Variants in NUAK2 observed in about 807,000 individuals in gnomAD.
NUAK2 encodes the protein NUAK family kinase 2, also known as NUAK family SNF1-like kinase 2.
In NUAK2, 20 loss-of-function variants were observed where a neutral mutation model predicts 29.8. That is an observed-to-expected ratio of 0.67 (90% CI 0.47 to 0.98). The LOEUF (loss-of-function observed/expected upper bound fraction) is 0.98. NUAK2 is among the 50% of genes least tolerant of loss of function. NUAK2 has a pLI of 0.00. For missense variants in NUAK2, 719 were observed against 834.5 expected, an observed-to-expected ratio of 0.86 and a Z score of 1.71; for synonymous variants, 331 against 342.6, an observed-to-expected ratio of 0.97 and a Z score of 0.37.
intron 6 of NUAK2, among the ~76,000 whole-genome samples, 195 bp downstream of exon 6, chr1:205,305,004 T>C (rs1662158998): frequency 6.6e-6 from 1 of 152,342 alleles, no homozygotes; most frequent in African/African-American, 2.4e-5. Flanking sequence ...AACATGCCCC[T>C]GTGGGAAAGA....
chr1:205,319,924 T>TACACACATACACACAC (rs1553381479), intron 1 of NUAK2, among the ~76,000 whole-genome samples: 10 of 78,466 alleles, frequency 1.3e-4, no homozygotes, highest in Non-Finnish European at 1.9e-4. Flanking sequence ...GGGCAAACCA[T>TACACACATACACACAC]ACACACACAC....
chr1:205,311,673 C>T lies in NUAK2; in HGVS notation c.352+32G>A, dbSNP rs746855826. ...AACACACACATGCACACACATAGAC[C>T]CCCAAGTTCCAGCTTTAAGTGCCCA... On this transcript the variant is annotated intron_variant, in intron 2 of 6. Coordinates refer to ENST00000367157, the MANE Select transcript of NUAK2 (RefSeq NM_030952.3). 4.3e-6 allele frequency: 7 copies of T among 1,613,226 alleles called. No homozygotes were observed. In the East Asian group the frequency reaches 1.1e-4, roughly 26 times the overall value.
In NUAK2 at chr1:205,304,036, G is replaced by A. The variant is rs1335809900; in HGVS notation, c.1301C>T (p.Ala434Val). The stretch of plus-strand genomic sequence containing the variant: ...CAGGGGGGCAGCCTGCCCTGGGCTC[G>A]CAGGGATTGGGCTGAGCTCCGGAGG... ...EDPPELSPIP[A>V]SPGQAAPLLP... is the part of the protein sequence containing the mutation. The change falls in exon 7 of 7, where the codon GCG becomes GTG. Residue 434 changes from alanine (A) to valine (V), a missense_variant. By Grantham distance (64) the Ala-to-Val change is moderately conservative. Transcript: ENST00000367157. The surrounding 1 kb of genome is among the most constrained non-coding windows in gnomAD (Gnocchi z 6.5). 1.9e-6 allele frequency: 3 copies of A among 1,614,020 alleles called. No individual in the cohort carries two copies. Among genetic ancestry groups the A allele is most frequent in the Middle Eastern group, 1.6e-4 (1 of 6,062 alleles).
chr1:205,307,212 G>A (rs1013901715), intron 4 of NUAK2, among the ~76,000 whole-genome samples: 4 of 152,204 alleles, frequency 2.6e-5, no homozygotes, highest in Non-Finnish European at 5.9e-5. Flanking sequence ...AGGGTGGGGA[G>A]GGGCTGTTTA....
At chr1:205,311,586 A>C in intron 2 of NUAK2, 119 bp downstream of exon 2, 1 of 1,309,334 alleles carries the variant, frequency 7.6e-7, no homozygotes. Flanking sequence ...GCTCTTCTCT[A>C]GAGCCTATAT....
intron 1 of NUAK2, among the ~76,000 whole-genome samples, chr1:205,313,067 G>A (rs1034486392): frequency 6.6e-6 from 1 of 152,198 alleles, no homozygotes; most frequent in African/African-American, 2.4e-5. Context: ...GGGACTGGGG[G>A]AGGGGAAATG....
At chr1:205,314,059 A>G (rs562143984) in intron 1 of NUAK2, among the ~76,000 whole-genome samples, 1 of 152,320 alleles carries the variant, frequency 6.6e-6, no homozygotes, top group African/African-American at 2.4e-5. Flanking sequence ...GAGGCAGACA[A>G]TGGTTTCTGG....
chr1:205,321,080 G>A (rs777357022), intron 1 of NUAK2, among the ~76,000 whole-genome samples: 2 of 152,126 alleles, frequency 1.3e-5, no homozygotes, highest in Non-Finnish European at 2.9e-5. Context: ...CTCAACTTAA[G>A]TCCCATCCAT....
At chr1:205,305,572 CAG>C in intron 5 of NUAK2, 1 of 929,932 alleles carries the variant, frequency 1.1e-6, no homozygotes, top group Non-Finnish European at 1.3e-6. Context: ...GTGGTTGTGA[CAG>C]ATATCATCTC....
intron 1 of NUAK2, among the ~76,000 whole-genome samples, chr1:205,319,858 C>T (rs1340244448): frequency 6.6e-6 from 1 of 151,896 alleles, no homozygotes; most frequent in African/African-American, 2.4e-5. Context: ...TTCAAACCAG[C>T]TACTGGCTGC....
In NUAK2 at chr1:205,321,732, G is replaced by C. The variant is rs138506614; in HGVS notation, c.-104C>G. On this transcript the variant is annotated 5_prime_UTR_variant, in exon 1 of 7. Transcript: ENST00000367157. ...CGCACCAGGACGGGGAGCCACAGCA[G>C]TACCAGAGCGCGCAGTAAAGCACAG... 10,334 of 893,800 alleles carry C rather than the reference G, an allele frequency of 0.012. 76 individuals carry two copies. Among genetic ancestry groups the C allele is most frequent in the Non-Finnish European group, 0.014 (8,309 of 585,658 alleles). The allele number at this position is 893,800 out of a possible 1,614,324, so 55.4% of individuals were successfully genotyped here.
rs149020592 is a variant in NUAK2, at chr1:205,304,164, C to T, written c.1173G>A (p.Thr391=). Residue 391 remains threonine (T), a synonymous_variant, in exon 7 of 7, where the codon ACG becomes ACA. Coordinates refer to ENST00000367157, the MANE Select transcript of NUAK2 (RefSeq NM_030952.3). The surrounding 1 kb of genome is among the most constrained non-coding windows in gnomAD (Gnocchi z 6.5). ...NDMAQSLHSD[T]ADDTAHRPGK... Reference sequence around the variant, plus strand: ...CAGGGCGATGGGCAGTGTCATCAGCCGTGTCACTGTGGAGAGACTGGGCCA... The same window carrying T: ...CAGGGCGATGGGCAGTGTCATCAGCTGTGTCACTGTGGAGAGACTGGGCCA... The T allele has an allele frequency of 1.1e-4, 170 of 1,614,162 alleles. No individual in the cohort carries two copies. The highest frequency in any genetic ancestry group is 9.5e-4 in the Admixed American group (57 of 60,030).
intron 1 of NUAK2, 107 bp from the exon 2 acceptor site, chr1:205,311,932 A>C (rs1574893301): frequency 7.0e-5 from 99 of 1,422,080 alleles, no homozygotes; most frequent in East Asian, 2.4e-4. Flanking sequence ...CACAGAGTAC[A>C]CCCATAGAAG....
Position 205,303,941 on chromosome 1 carries a change from T to A in NUAK2, c.1396A>T (p.Ser466Cys), listed in dbSNP as rs373278563. The A allele has an allele frequency of 6.2e-6, 10 of 1,613,958 alleles. No homozygotes were observed. Among genetic ancestry groups the A allele is most frequent in the Admixed American group, 1.7e-5 (1 of 60,022 alleles). The change falls in exon 7 of 7, where the codon AGT (serine) becomes TGT (cysteine). Residue 466 changes from serine (S) to cysteine (C), a missense_variant. Around this residue, in one of 3 missense-constraint regions of NUAK2, gnomAD observed 430 missense variants for 465.7 expected, o/e 0.92. Coordinates refer to ENST00000367157, the MANE Select transcript of NUAK2 (RefSeq NM_030952.3). The part of the protein sequence containing the change: ...ESGYYSSPEP[S>C]ESGELLDAGD... ...GCGTCCAAGAGCTCCCCAGATTCAC[T>A]GGGCTCGGGAGAGGAGTAGTAGCCA...
Position 205,308,216 on chromosome 1 carries a change from G to T in NUAK2, c.519C>A (p.His173Gln). ...VHYCHQNRVVHRDLKLENILL... is the reference protein window; with the variant it reads ...VHYCHQNRVVQRDLKLENILL... Reference sequence around the variant, plus strand: ...GGATGTTCTCCAGCTTGAGATCTCGGTGGACAACTCTGTTCTGAAAGAAGG... The same window carrying T: ...GGATGTTCTCCAGCTTGAGATCTCGTTGGACAACTCTGTTCTGAAAGAAGG... The change falls in exon 4 of 7, where the codon CAC (histidine) becomes CAA (glutamine). Residue 173 changes from histidine to glutamine, a missense_variant. Around this residue, in one of 3 missense-constraint regions of NUAK2, gnomAD observed 283 missense variants for 345.6 expected, o/e 0.82. Transcript: ENST00000367157. The surrounding 1 kb of genome is among the most constrained non-coding windows in gnomAD (Gnocchi z 4.1). 1 of 1,606,622 alleles carries T rather than the reference G, an allele frequency of 6.2e-7. No homozygotes were observed. Among genetic ancestry groups the T allele is most frequent in the Non-Finnish European group, 8.5e-7 (1 of 1,176,716 alleles).
At position 205,307,764 on chromosome 1, in the gene NUAK2, T is replaced by C. The variant is rs57148104; in HGVS notation, c.570+401A>G. Among the ~76,000 whole-genome samples, 1,327 of 152,214 alleles carry C rather than the reference T, an allele frequency of 8.7e-3. 21 individuals carry two copies. Among genetic ancestry groups the C allele is most frequent in the African/African-American group, 0.031 (1,274 of 41,526 alleles). Reference sequence around the variant, plus strand: ...TAATTGTACCAGATTAAAGCATGCATGTGTGTGTGTATGCAAGTGTGTACA... The same window carrying C: ...TAATTGTACCAGATTAAAGCATGCACGTGTGTGTGTATGCAAGTGTGTACA... On this transcript the variant is annotated intron_variant, in intron 4 of 6. Transcript: ENST00000367157.
At chr1:205,319,820 C>T (rs566159108) in intron 1 of NUAK2, among the ~76,000 whole-genome samples, 1 of 152,290 alleles carries the variant, frequency 6.6e-6, no homozygotes, top group Non-Finnish European at 1.5e-5. Flanking sequence ...CATCCACTCT[C>T]CTTCACCAAT....
chr1:205,307,404 G>A (rs1275384186), intron 4 of NUAK2, among the ~76,000 whole-genome samples: 1 of 152,128 alleles, frequency 6.6e-6, no homozygotes, highest in East Asian at 1.9e-4. Context: ...ATCAAAGAAA[G>A]CCCCACCTGC....
rs2102647876 is a variant in NUAK2, at chr1:205,308,728, A to T, written c.357T>A (p.Phe119Leu). The part of the protein sequence containing the change: ...HPHIIAIHEV[F>L]ENSSKIVIVM... ...CGATCACGATCTTGCTGCTGTTCTC[A>T]AACACTGGGCAGAGCAAGGCAAGGA... is the stretch of plus-strand genomic sequence containing the variant. The change falls in exon 3 of 7, where the codon TTT becomes TTA. Residue 119 changes from phenylalanine (F) to leucine (L), a missense_variant. Coordinates refer to ENST00000367157, the MANE Select transcript of NUAK2 (RefSeq NM_030952.3). The surrounding 1 kb of genome is among the most constrained non-coding windows in gnomAD (Gnocchi z 4.1). The T allele has an allele frequency of 6.2e-7, 1 of 1,613,890 alleles. No individual in the cohort carries two copies. The highest frequency in any genetic ancestry group is 2.2e-5 in the East Asian group (1 of 44,882).
Sources: gnomAD v4.1 joint callset for allele counts (sites outside exome capture counted in the v4.1 genomes callset) on GRCh38, gnomAD v4.1.1 for gene constraint, gnomAD v4.1.1 regional missense constraint, Gnocchi (gnomAD v3.1) non-coding constraint, MANE v1.5 for transcripts, NCBI Gene and HGNC (gene_info 2026-07-23, HGNC 2026-07-21) for gene names.